Variants in TMCO5A observed in about 807,000 individuals in gnomAD.
The protein encoded by TMCO5A is transmembrane and coiled-coil domains 5A, also known as transmembrane and coiled-coil domain-containing protein 5A.
In TMCO5A, 34 loss-of-function variants were observed where a neutral mutation model predicts 42.3. The ratio of observed to expected loss-of-function variants is 0.80; its 90% CI spans 0.61 to 1.07. TMCO5A has a LOEUF of 1.07. Ranked by LOEUF, TMCO5A falls within the 50% of genes least tolerant of loss-of-function variation. The probability of loss-of-function intolerance (pLI) is 0.00; values close to 1 mark genes in which losing one functional copy is unlikely to be tolerated. For missense variants in TMCO5A, 357 were observed against 327.9 expected (o/e 1.09, Z -0.69); for synonymous variants, 131 against 115.6 (o/e 1.13, Z -0.86).
At chr15:38,021,770 A>G in the TMCO5A span, among the ~76,000 whole-genome samples, 1 of 151,978 alleles carries the variant, frequency 6.6e-6, no homozygotes, top group South Asian at 2.1e-4. Context: ...AATTCAATGT[A>G]GCAAAAAACT....
chr15:37,978,407 G>A, the TMCO5A span, among the ~76,000 whole-genome samples: 288 of 152,302 alleles, frequency 1.9e-3, no homozygotes, highest in South Asian at 8.5e-3. Context: ...GTGGGAATGC[G>A]CAGTCAGGGG....
chr15:37,951,323 T>G lies in TMCO5A; in HGVS notation c.*89T>G. ...ATGAAACTTGTGGAGGAAAGAGATT[T>G]GCTTCAGTTTTTTCCTCACCGTTTG... On this transcript the variant is annotated 3_prime_UTR_variant, in exon 12 of 12. Coordinates refer to ENST00000319669, the MANE Select transcript of TMCO5A (RefSeq NM_152453.4). 4 of 1,347,928 alleles carry G rather than the reference T, an allele frequency of 3.0e-6. No homozygotes were observed. Among genetic ancestry groups the G allele is most frequent in the Non-Finnish European group, 4.1e-6 (4 of 965,604 alleles). 83.5% of individuals were successfully genotyped at this position (1,347,928 alleles called of 1,614,324 possible).
chr15:37,981,907 G>A, the TMCO5A span, among the ~76,000 whole-genome samples: 1 of 152,158 alleles, frequency 6.6e-6, no homozygotes, highest in Admixed American at 6.5e-5. Context: ...TACAGACAAC[G>A]GAGCAGCCTG....
At chr15:37,938,083 T>A in intron 5 of TMCO5A, 75 bp from the exon 6 acceptor site, 1 of 1,258,930 alleles carries the variant, frequency 7.9e-7, no homozygotes, top group Non-Finnish European at 1.1e-6. Flanking sequence ...CCATAGTTAC[T>A]AATCTCCACA....
the TMCO5A span, among the ~76,000 whole-genome samples, chr15:38,008,838 G>A: frequency 3.9e-5 from 6 of 152,184 alleles, no homozygotes; most frequent in Admixed American, 2.0e-4. Flanking sequence ...CTTCTGAATC[G>A]TTTAGCCACC....
chr15:37,966,684 G>T, exon 12 of TMCO5A: 1 of 702,866 alleles, frequency 1.4e-6, no homozygotes, highest in South Asian at 1.5e-5. Context: ...CGTACTACCA[G>T]ATTGGCAACC....
At chr15:37,936,591 T>A in intron 3 of TMCO5A, 128 bp downstream of exon 3, 2 of 1,239,200 alleles carry the variant, frequency 1.6e-6, no homozygotes, top group South Asian at 1.5e-5. Context: ...AATTTTTCAT[T>A]CTTTGACATT....
chr15:38,035,086 A>C, the TMCO5A span, among the ~76,000 whole-genome samples: 1 of 152,180 alleles, frequency 6.6e-6, no homozygotes, highest in Non-Finnish European at 1.5e-5. Flanking sequence ...TGGAGTATGG[A>C]TACATAGTGC....
chr15:38,006,746 C>A, the TMCO5A span, among the ~76,000 whole-genome samples: 1 of 152,106 alleles, frequency 6.6e-6, no homozygotes, highest in East Asian at 1.9e-4. Context: ...GCAGATAATG[C>A]AATTCCATTC....
the TMCO5A span, among the ~76,000 whole-genome samples, chr15:38,026,074 G>GT: frequency 6.6e-6 from 1 of 152,130 alleles, no homozygotes; most frequent in Non-Finnish European, 1.5e-5. Flanking sequence ...GACTAATACA[G>GT]TAAAATGGTA....
downstream of TMCO5A, chr15:37,951,493 T>C (rs1484275097): frequency 1.0e-5 from 4 of 399,212 alleles, no homozygotes; most frequent in African/African-American, 2.0e-5. Flanking sequence ...GGGAATTATA[T>C]AGATGCTAAG....
chr15:37,955,807 A>G (rs1407050111), downstream of TMCO5A, among the ~76,000 whole-genome samples: 1 of 152,130 alleles, frequency 6.6e-6, no homozygotes, highest in African/African-American at 2.4e-5. Flanking sequence ...TCTCAGCACC[A>G]CACTGCACTT....
At chr15:37,938,348 C>A in intron 6 of TMCO5A, 119 bp downstream of exon 6, 1 of 749,582 alleles carries the variant, frequency 1.3e-6, no homozygotes, top group Non-Finnish European at 2.0e-6. Context: ...CCATGTCAAG[C>A]TTAAGCTTGA....
chr15:37,994,701 G>A, the TMCO5A span: 256 of 152,240 alleles, frequency 1.7e-3, 1 homozygote, highest in African/African-American at 5.6e-3. Context: ...ACTCCCTTCA[G>A]ATCGTCATCA....
chr15:38,031,616 A>C, the TMCO5A span, among the ~76,000 whole-genome samples: 1 of 152,128 alleles, frequency 6.6e-6, no homozygotes, highest in East Asian at 1.9e-4. Context: ...ATACACCGGC[A>C]CCTTTGTGGA....
chr15:38,025,872 A>G, the TMCO5A span, among the ~76,000 whole-genome samples: 4 of 152,210 alleles, frequency 2.6e-5, no homozygotes, highest in Admixed American at 6.5e-5. Context: ...TAAGTCTCAC[A>G]AGATCTGATG....
intron 10 of TMCO5A, among the ~76,000 whole-genome samples, chr15:37,947,156 A>C (rs1213426596): frequency 6.6e-6 from 1 of 152,100 alleles, no homozygotes; most frequent in Non-Finnish European, 1.5e-5. Context: ...GATTATATTT[A>C]TTGATTTGTG....
At chr15:38,037,479 T>C in the TMCO5A span, among the ~76,000 whole-genome samples, 1 of 152,212 alleles carries the variant, frequency 6.6e-6, no homozygotes, top group Non-Finnish European at 1.5e-5. Flanking sequence ...AGTAGAGTGA[T>C]ATTCCCAAGT....
the TMCO5A span, among the ~76,000 whole-genome samples, chr15:38,032,269 T>C: frequency 1.3e-4 from 20 of 152,226 alleles, no homozygotes; most frequent in African/African-American, 4.8e-4. Flanking sequence ...ATTGCTTTTA[T>C]GTATCAGCAT....
Sources: gnomAD v4.1 joint callset for allele counts (sites outside exome capture counted in the v4.1 genomes callset) on GRCh38, gnomAD v4.1.1 for gene constraint, MANE v1.5 for transcripts, NCBI Gene and HGNC (gene_info 2026-07-23, HGNC 2026-07-21) for gene names.